SIPA1L3: variants seen among roughly 807,000 people sequenced by gnomAD.
SIPA1L3 encodes the protein signal-induced proliferation-associated 1-like protein 3.
SIPA1L3 carries 59 observed loss-of-function variants against 150.1 expected under a neutral mutation model. That is an observed-to-expected ratio of 0.39 (90% confidence interval 0.32 to 0.49). SIPA1L3 has a LOEUF of 0.49. Ranked by LOEUF, SIPA1L3 falls within the 20% of genes least tolerant of loss-of-function variation. The pLI is 0.86. For synonymous variants in SIPA1L3, 1,070 were observed against 1,077.6 expected, an observed-to-expected ratio of 0.99 and a Z score of 0.14; for missense variants, 2,211 against 2,489.5, an observed-to-expected ratio of 0.89 and a Z score of 2.38.
At chr19:37,945,984 G>A (rs2046707577) in intron 1 of SIPA1L3, among the ~76,000 whole-genome samples, 1 of 151,646 alleles carries the variant, frequency 6.6e-6, no homozygotes, top group Admixed American at 6.6e-5. Context: ...GTGAAACCCC[G>A]TCTCTACTAA....
chr19:38,136,304 C>A (rs747563095), intron 10 of SIPA1L3, among the ~76,000 whole-genome samples: 1 of 151,358 alleles, frequency 6.6e-6, no homozygotes, highest in Non-Finnish European at 1.5e-5. Flanking sequence ...TCATTTTAAT[C>A]CTTAAAAAAA....
intron 13 of SIPA1L3, among the ~76,000 whole-genome samples, chr19:38,157,365 C>T (rs1305868092): frequency 6.6e-6 from 1 of 152,140 alleles, no homozygotes; most frequent in Non-Finnish European, 1.5e-5. Context: ...CTGCGACTGC[C>T]CCCGGTTAGA....
At chr19:37,920,464 G>T (rs2046449228) in intron 1 of SIPA1L3, among the ~76,000 whole-genome samples, 1 of 152,136 alleles carries the variant, frequency 6.6e-6, no homozygotes, top group African/African-American at 2.4e-5. Context: ...AGAGTGCAGG[G>T]GCTCAAGTGT....
intron 1 of SIPA1L3, among the ~76,000 whole-genome samples, chr19:37,924,315 C>T (rs1265837861): frequency 2.0e-5 from 3 of 151,840 alleles, no homozygotes; most frequent in African/African-American, 7.3e-5. Flanking sequence ...ACTGGAAGGT[C>T]TTCGGGGGCA....
intron 18 of SIPA1L3, among the ~76,000 whole-genome samples, chr19:38,197,060 C>G (rs919095599): frequency 6.6e-6 from 1 of 152,124 alleles, no homozygotes; most frequent in Non-Finnish European, 1.5e-5. Flanking sequence ...GCCATGTGAG[C>G]CCAGGCAAGG....
chr19:38,194,584 ACTCT>A (rs1192152680), intron 18 of SIPA1L3, among the ~76,000 whole-genome samples: 1 of 151,998 alleles, frequency 6.6e-6, no homozygotes, highest in East Asian at 1.9e-4. Flanking sequence ...CTGCACACTT[ACTCT>A]CTCAAATCCA....
At chr19:38,167,963 G>T (rs915756788) in intron 15 of SIPA1L3, among the ~76,000 whole-genome samples, 2 of 152,130 alleles carry the variant, frequency 1.3e-5, no homozygotes, top group African/African-American at 4.8e-5. Context: ...TTAGGGATTT[G>T]CTCGGTCCCA....
chr19:38,098,149 A>G (rs1170363732), intron 4 of SIPA1L3, among the ~76,000 whole-genome samples: 2 of 152,234 alleles, frequency 1.3e-5, no homozygotes, highest in Non-Finnish European at 2.9e-5. Flanking sequence ...TTATTAAGGT[A>G]TATAAGTTAG....
intron 9 of SIPA1L3, among the ~76,000 whole-genome samples, chr19:38,129,925 G>A (rs1971268262): frequency 6.6e-6 from 1 of 152,120 alleles, no homozygotes; most frequent in Non-Finnish European, 1.5e-5. Context: ...AAATTAGCCA[G>A]GCGTGGTAGC....
chr19:38,148,240 A>G (rs370529987), intron 12 of SIPA1L3, among the ~76,000 whole-genome samples: 1 of 149,906 alleles, frequency 6.7e-6, no homozygotes, highest in Non-Finnish European at 1.5e-5. Flanking sequence ...AGTCCCAGCT[A>G]CTCGGGAGGC....
chr19:37,935,087 T>TA (rs2046588796), intron 1 of SIPA1L3, among the ~76,000 whole-genome samples: 1 of 151,366 alleles, frequency 6.6e-6, no homozygotes, highest in East Asian at 2.0e-4. Flanking sequence ...GAATATGAAG[T>TA]AACAGTAGTG....
chr19:38,066,782 C>T (rs867141381), intron 2 of SIPA1L3, among the ~76,000 whole-genome samples: 33 of 146,752 alleles, frequency 2.2e-4, no homozygotes, highest in Admixed American at 1.2e-3. Flanking sequence ...GCCGAGATCA[C>T]GCCACTGCAC....
chr19:37,943,032 CTCTTTTTTTTTT>C (rs2046676122), intron 1 of SIPA1L3, among the ~76,000 whole-genome samples: 1 of 114,562 alleles, frequency 8.7e-6, no homozygotes, highest in Admixed American at 9.5e-5. Flanking sequence ...CTCTCTCTCT[CTCTTTTTTTTTT>C]TTTTTTTTTT....
chr19:37,996,371 G>A (rs765553008), intron 1 of SIPA1L3, among the ~76,000 whole-genome samples: 12 of 152,144 alleles, frequency 7.9e-5, no homozygotes, highest in Non-Finnish European at 1.5e-5. Context: ...ATTTACAGGC[G>A]GGAGCCCAGC....
intron 10 of SIPA1L3, among the ~76,000 whole-genome samples, chr19:38,132,584 CAAAAAAAA>C (rs375027167): frequency 2.8e-5 from 3 of 108,552 alleles, no homozygotes; most frequent in Non-Finnish European, 3.8e-5. Context: ...AGCTACGTCT[CAAAAAAAA>C]AAAAAAAGAA....
chr19:38,204,112 C>T lies in SIPA1L3; in HGVS notation c.5121-15C>T, dbSNP rs1346112097. ...CTTTAGGGCCTCAGGCTGACCTTGT[C>T]CCTGGTTTTTCCAGCGAGGAGCCAC... is the stretch of plus-strand genomic sequence containing the variant. On this transcript the variant is annotated splice_polypyrimidine_tract_variant and intron_variant, in intron 20 of 21. Coordinates refer to ENST00000222345, the MANE Select transcript of SIPA1L3 (RefSeq NM_015073.3). 2 of 1,553,432 alleles carry T rather than the reference C, an allele frequency of 1.3e-6. No individual in the cohort carries two copies. The highest frequency in any genetic ancestry group is 1.4e-5 in the African/African-American group (1 of 73,202).
intron 20 of SIPA1L3, among the ~76,000 whole-genome samples, chr19:38,202,510 C>T (rs949132152): frequency 3.9e-5 from 6 of 152,112 alleles, no homozygotes; most frequent in Non-Finnish European, 4.4e-5. Flanking sequence ...ATTGCTTGAA[C>T]CCGGGAGGCG....
At chr19:38,162,073 A>T (rs1972101195) in intron 13 of SIPA1L3, among the ~76,000 whole-genome samples, 180 bp from the exon 14 acceptor site, 1 of 152,174 alleles carries the variant, frequency 6.6e-6, no homozygotes, top group African/African-American at 2.4e-5. Context: ...GGCCCTCAGA[A>T]CGGTGTCTGG....
rs146672679 is a variant in SIPA1L3, at chr19:38,182,664, C to G, written c.4354C>G (p.Arg1452Gly). 1.2e-6 allele frequency: 2 copies of G among 1,614,202 alleles called. No homozygotes were observed. Among genetic ancestry groups the G allele is most frequent in the Admixed American group, 3.3e-5 (2 of 60,034 alleles). The change falls in exon 16 of 22, where the codon CGC becomes GGC. Residue 1452 changes from arginine (R) to glycine (G), a missense_variant. Transcript: ENST00000222345. The stretch of plus-strand genomic sequence containing the variant: ...GTCCTTCTTCTCCAAGCAGCCTGTA[C>G]GCAATAAGCACCCAACAGGGTGGAA... ...PKSFFSKQPV[R>G]NKHPTGWKRT...
Sources: allele counts gnomAD v4.1 joint callset (sites outside exome capture counted in the v4.1 genomes callset), GRCh38; gene constraint gnomAD v4.1.1; transcripts MANE v1.5; gene names NCBI Gene and HGNC (gene_info 2026-07-23, HGNC 2026-07-21).